The following SLCO1C1 variants were observed in gnomAD, a reference collection of about 807,000 sequenced individuals.
SLCO1C1 encodes solute carrier organic anion transporter family member 1C1.
A neutral mutation model predicts 76.4 loss-of-function variants in SLCO1C1; 70 were observed. The observed-to-expected ratio is 0.92, with a 90% CI of 0.76 to 1.12. SLCO1C1 has a LOEUF of 1.12. SLCO1C1 is among the 50% of genes most tolerant of loss of function. SLCO1C1 has a pLI of 0.00. For synonymous variants in SLCO1C1, 306 were observed against 286.1 expected, an observed-to-expected ratio of 1.07 and a Z score of -0.70; for missense variants, 912 against 823.8, an observed-to-expected ratio of 1.11 and a Z score of -1.31.
intron 9 of SLCO1C1, among the ~76,000 whole-genome samples, chr12:20,729,960 A>G (rs1294744163): frequency 6.6e-6 from 1 of 152,066 alleles, no homozygotes; most frequent in East Asian, 1.9e-4. Context: ...GAGGGTGCAG[A>G]TGTCCCTAGG....
intron 13 of SLCO1C1, 122 bp from the exon 14 acceptor site, chr12:20,750,553 G>A (rs1949252102): frequency 4.8e-6 from 4 of 835,458 alleles, no homozygotes; most frequent in South Asian, 3.2e-5. Context: ...ATTTCAGCAT[G>A]TAATTGATGG....
At chr12:20,706,106 C>A in intron 4 of SLCO1C1, 25 bp downstream of exon 4, 1 of 1,569,096 alleles carries the variant, frequency 6.4e-7, no homozygotes. Context: ...ATCATCTTTT[C>A]CTTGCCTTTC....
At chr12:20,710,485 A>G (rs1272590645) in intron 4 of SLCO1C1, among the ~76,000 whole-genome samples, 1 of 152,024 alleles carries the variant, frequency 6.6e-6, no homozygotes, top group Non-Finnish European at 1.5e-5. Flanking sequence ...GGGTACAAAG[A>G]GTGTGGAGAA....
At chr12:20,719,106 T>TAGTAAA (rs1463028632) in intron 7 of SLCO1C1, among the ~76,000 whole-genome samples, 9 of 148,516 alleles carry the variant, frequency 6.1e-5, no homozygotes, top group African/African-American at 2.2e-4. Flanking sequence ...TTTACTATTA[T>TAGTAAA]TATTATTATT....
intron 9 of SLCO1C1, among the ~76,000 whole-genome samples, chr12:20,724,180 G>A (rs1947816755): frequency 6.6e-6 from 1 of 151,304 alleles, no homozygotes; most frequent in African/African-American, 2.4e-5. Context: ...TTACTTATTG[G>A]CTGACCTAAA....
chr12:20,733,268 C>T (rs1948381611), intron 10 of SLCO1C1, among the ~76,000 whole-genome samples, 164 bp downstream of exon 10: 1 of 152,110 alleles, frequency 6.6e-6, no homozygotes, highest in Non-Finnish European at 1.5e-5. Flanking sequence ...CTGTTATTGT[C>T]ACCAAAATTT....
rs1324185314 is a variant in SLCO1C1, at chr12:20,706,057, C to A, written c.380C>A (p.Ala127Glu). The stretch of plus-strand genomic sequence containing the variant: ...ATGGGAGTTGGAACACTGCTCATTG[C>A]AATGCCTCAGTTCTTCATGGAGCAG... ...VIMGVGTLLIAMPQFFMEQYK... is the reference protein window; with the variant it reads ...VIMGVGTLLIEMPQFFMEQYK... The change falls in exon 4 of 15, where the codon GCA (alanine) becomes GAA (glutamate). Residue 127 changes from alanine to glutamate, a missense_variant. By Grantham distance (107) the Ala-to-Glu change is moderately radical. Transcript: ENST00000266509. The A allele has an allele frequency of 6.2e-7, 1 of 1,612,838 alleles. No homozygotes were observed. Among genetic ancestry groups the A allele is most frequent in the Admixed American group, 1.7e-5 (1 of 59,922 alleles).
intron 10 of SLCO1C1, among the ~76,000 whole-genome samples, chr12:20,733,747 G>T (rs1948406581): frequency 6.6e-6 from 1 of 152,090 alleles, no homozygotes; most frequent in African/African-American, 2.4e-5. Context: ...CTTGCAATTG[G>T]TCAGGAGAAT....
chr12:20,718,105 A>G (rs1057038294), intron 7 of SLCO1C1, among the ~76,000 whole-genome samples: 2 of 152,176 alleles, frequency 1.3e-5, no homozygotes, highest in Non-Finnish European at 2.9e-5. Flanking sequence ...TACAGTTCTG[A>G]ACAAATCAGT....
Position 20,701,400 on chromosome 12 carries a change from AGAGAAG to A in SLCO1C1, c.214_219del (p.Arg72_Arg73del). On this transcript the variant is annotated inframe_deletion, in exon 3 of 15. Transcript: ENST00000266509. The stretch of plus-strand genomic sequence containing the variant: ...CTGAAGAGCACCATCACTCAGATAG[AGAGAAG>A]GTTTGATATCCCTTCTTCACTGGTG... 1 of 1,555,828 alleles carries A rather than the reference AGAGAAG, an allele frequency of 6.4e-7. No individual in the cohort carries two copies. Among genetic ancestry groups the A allele is most frequent in the Non-Finnish European group, 8.8e-7 (1 of 1,137,786 alleles).
At chr12:20,735,428 T>C (rs1948493502) in intron 10 of SLCO1C1, among the ~76,000 whole-genome samples, 2 of 152,182 alleles carry the variant, frequency 1.3e-5, no homozygotes, top group Admixed American at 6.5e-5. Context: ...GAGGTTGGCA[T>C]AGATTACTCC....
At chr12:20,710,223 T>G (rs1850015) in intron 4 of SLCO1C1, among the ~76,000 whole-genome samples, 2 of 133,844 alleles carry the variant, frequency 1.5e-5, no homozygotes, top group Non-Finnish European at 1.6e-5. Context: ...TTTTTTTTTT[T>G]TTGAGATGGA....
chr12:20,722,115 T>C, intron 8 of SLCO1C1, 66 bp downstream of exon 8: 1 of 1,528,872 alleles, frequency 6.5e-7, no homozygotes, highest in Non-Finnish European at 8.7e-7. Flanking sequence ...GATTTATAAA[T>C]TACATCCCTC....
At chr12:20,747,434 A>AAC (rs1555141433) in intron 13 of SLCO1C1, among the ~76,000 whole-genome samples, 1 of 151,882 alleles carries the variant, frequency 6.6e-6, no homozygotes, top group Non-Finnish European at 1.5e-5. Flanking sequence ...GTCTCAAAAA[A>AAC]AAATAGAGTT....
At chr12:20,707,008 C>G (rs546281603) in intron 4 of SLCO1C1, among the ~76,000 whole-genome samples, 3 of 151,750 alleles carry the variant, frequency 2.0e-5, no homozygotes, top group African/African-American at 7.2e-5. Context: ...CTAGTCTGAA[C>G]TTTTTCTTGA....
At chr12:20,742,674 C>T (rs1018225213) in intron 12 of SLCO1C1, among the ~76,000 whole-genome samples, 1 of 150,772 alleles carries the variant, frequency 6.6e-6, no homozygotes, top group Non-Finnish European at 1.5e-5. Context: ...GCTGGGACTA[C>T]AGGCACCCGC....
intron 13 of SLCO1C1, among the ~76,000 whole-genome samples, chr12:20,750,191 G>C (rs1387705298): frequency 1.3e-5 from 2 of 152,184 alleles, no homozygotes; most frequent in African/African-American, 4.8e-5. Context: ...ATGAAGCCAA[G>C]GAATCATGAA....
In SLCO1C1 at chr12:20,711,519, A is replaced by AT. The variant is rs200064484; in HGVS notation, c.529+16dup. ...ATCCAAAATAAGTAACGGTAAGATC[A>AT]TTTTTTTGACTTGACTAAACAAGCT... On this transcript the variant is annotated intron_variant, in intron 5 of 14. Coordinates refer to ENST00000266509, the MANE Select transcript of SLCO1C1 (RefSeq NM_017435.5). The AT allele has an allele frequency of 0.014, 22,740 of 1,611,800 alleles. 229 individuals carry two copies. Among genetic ancestry groups the AT allele is most frequent in the South Asian group, 0.026 (2,325 of 90,622 alleles).
At chr12:20,700,439 CT>C (rs994109654) in intron 2 of SLCO1C1, among the ~76,000 whole-genome samples, 13 of 151,298 alleles carry the variant, frequency 8.6e-5, no homozygotes, top group Admixed American at 1.3e-4. Flanking sequence ...ATAGAAGTTT[CT>C]TTTTTTTAAT....
Sources: allele counts gnomAD v4.1 joint callset (sites outside exome capture counted in the v4.1 genomes callset), GRCh38; gene constraint gnomAD v4.1.1; transcripts MANE v1.5; gene names NCBI Gene and HGNC (gene_info 2026-07-23, HGNC 2026-07-21).